The following MST1R variants were observed in gnomAD, a reference collection of about 807,000 sequenced individuals.
MST1R encodes the protein macrophage-stimulating protein receptor.
A neutral mutation model predicts 117.8 loss-of-function variants in MST1R; 99 were observed. That is an observed-to-expected ratio of 0.84 (90% CI 0.71 to 0.99). The LOEUF is 0.99. Among genes scored for constraint, MST1R ranks in the 50% least tolerant of loss-of-function variants. The pLI is 0.00. For synonymous variants in MST1R, 734 were observed against 765.3 expected (o/e 0.96, Z 0.68); for missense variants, 1,683 against 1,840.2 (o/e 0.91, Z 1.56).
In MST1R at chr3:49,902,952, G is replaced by A. The variant is rs771132053; in HGVS notation, c.658C>T (p.Arg220Cys). The change falls in exon 1 of 20, where the codon CGT becomes TGT. Residue 220 changes from arginine (R) to cysteine (C), a missense_variant. By Grantham distance (180) the Arg-to-Cys change is radical (BLOSUM62 -3). Transcript: ENST00000296474. Reference protein sequence around the residue: ...SFSPRSVSIRRLKADASGFAP... With the variant: ...SFSPRSVSIRCLKADASGFAP... ...AATCCCGAGGCGTCAGCCTTGAGAC[G>A]CCTGATAGACACTGAGCGTGGGCTG... 11 of 1,613,096 alleles carry A rather than the reference G, an allele frequency of 6.8e-6. No homozygotes were observed. The highest frequency in any genetic ancestry group is 1.7e-5 in the Admixed American group (1 of 60,002).
chr3:49,901,625 C>T (rs2082679664), intron 1 of MST1R, among the ~76,000 whole-genome samples: 1 of 152,088 alleles, frequency 6.6e-6, no homozygotes. Context: ...GCTGCCATTC[C>T]ATGAGTTCTG....
chr3:49,887,453 A>G lies in MST1R; in HGVS notation c.4057T>C (p.Tyr1353His). Reference sequence around the variant, plus strand: ...ATGTAGGTTGCTGGCAGCTGCACATAATGGTCCCCAAGCAGTGCAGACACT... The same window carrying G: ...ATGTAGGTTGCTGGCAGCTGCACATGATGGTCCCCAAGCAGTGCAGACACT... ...QIVSALLGDH[Y>H]VQLPATYMNL... The change falls in exon 20 of 20, where the codon TAT becomes CAT. Residue 1353 changes from tyrosine (Y) to histidine (H), a missense_variant. By Grantham distance (83) the Tyr-to-His change is moderately conservative. Transcript: ENST00000296474. The G allele has an allele frequency of 6.2e-7, 1 of 1,614,166 alleles. No homozygotes were observed. The highest frequency in any genetic ancestry group is 8.5e-7 in the Non-Finnish European group (1 of 1,180,002).
rs202096597 is a variant in MST1R, at chr3:49,898,968, A to G, written c.1447T>C (p.Leu483=). 1 of 1,614,188 alleles carries G rather than the reference A, an allele frequency of 6.2e-7. No homozygotes were observed. The highest frequency in any genetic ancestry group is 2.2e-5 in the East Asian group (1 of 44,886). The change falls in exon 3 of 20, where the codon TTG becomes CTG. Residue 483 remains leucine, a synonymous_variant. Transcript: ENST00000296474. ...QVELVRSLNY[L]LYVSNFSLGD... ...AGTGAGAAGTTGGACACATACAGCA[A>G]GTAGTTTAGTGACCTGACCAGCTCC...
At position 49,898,049 on chromosome 3, in the gene MST1R, A is replaced by C. The variant is rs2082541902; in HGVS notation, c.1880+2T>G. Reference sequence around the variant, plus strand: ...AAAGGGAGGGGAGGGACCAGATTGTACCTGAGTTTTGAGCTGTCCTTGGGC... The same window carrying C: ...AAAGGGAGGGGAGGGACCAGATTGTCCCTGAGTTTTGAGCTGTCCTTGGGC... On this transcript the variant is annotated splice_donor_variant, in intron 5 of 19. Transcript: ENST00000296474. LOFTEE classifies it high-confidence loss of function. The C allele has an allele frequency of 6.2e-7, 1 of 1,613,920 alleles. No homozygotes were observed. Among genetic ancestry groups the C allele is most frequent in the Non-Finnish European group, 8.5e-7 (1 of 1,180,034 alleles).
rs1449348204 is a variant in MST1R at position 49,898,074 on chromosome 3, C to T, written c.1857G>A (p.Leu619=). ...ACCTGAGTTTTGAGCTGTCCTTGGGCAGTGGCCGGCAGGGACTTTGGCCCA... is the reference window on the plus strand; with the variant it reads ...ACCTGAGTTTTGAGCTGTCCTTGGGTAGTGGCCGGCAGGGACTTTGGCCCA... The part of the protein sequence containing the change: ...VTVGQSPCRP[L]PKDSSKLRPV... Residue 619 remains leucine (L), a synonymous_variant, in exon 5 of 20, where the codon CTG becomes CTA. Coordinates refer to ENST00000296474, the MANE Select transcript of MST1R (RefSeq NM_002447.4). The T allele has an allele frequency of 6.2e-7, 1 of 1,614,004 alleles. No homozygotes were observed. The highest frequency in any genetic ancestry group is 8.5e-7 in the Non-Finnish European group (1 of 1,180,042).
chr3:49,895,855 A>T lies in MST1R; in HGVS notation c.2822T>A (p.Ile941Asn). 6.2e-7 allele frequency: 1 copy of T among 1,611,246 alleles called. No homozygotes were observed. Among genetic ancestry groups the T allele is most frequent in the Non-Finnish European group, 8.5e-7 (1 of 1,178,506 alleles). ...CCCTGGCCGCACCACTCTACCCAGG[A>T]TATGACATTCACCATCTACGCAGAC... ...LQVCVDGECH[I>N]LGRVVRPGPD... Residue 941 changes from isoleucine to asparagine, a missense_variant, in exon 12 of 20, where the codon ATC (isoleucine) becomes AAC (asparagine). Physicochemically the swap from Ile to Asn is moderately radical, Grantham distance 149 (BLOSUM62 -3). Coordinates refer to ENST00000296474, the MANE Select transcript of MST1R (RefSeq NM_002447.4).
chr3:49,893,048 G>A (rs1201626148), intron 14 of MST1R, among the ~76,000 whole-genome samples: 1 of 152,088 alleles, frequency 6.6e-6, no homozygotes, highest in Admixed American at 6.6e-5. Context: ...GGAGGCCGAG[G>A]CGGGCGGATC....
At position 49,896,055 on chromosome 3, in the gene MST1R, C is replaced by T; in HGVS notation, c.2702G>A (p.Gly901Asp). Residue 901 changes from glycine (G) to aspartate (D), a missense_variant, in exon 11 of 20, where the codon GGT becomes GAT. By Grantham distance (94) the Gly-to-Asp change is moderately conservative. Transcript: ENST00000296474. Reference protein sequence around the residue: ...ADCVGINVTVGGESCQHEFRG... With the variant: ...ADCVGINVTVDGESCQHEFRG... ...GAACTCGTGCTGGCAGCTCTCACCA[C>T]CCACGGTCACGTTGATACCCACACA... 1 of 1,610,684 alleles carries T rather than the reference C, an allele frequency of 6.2e-7. No homozygotes were observed. The highest frequency in any genetic ancestry group is 8.5e-7 in the Non-Finnish European group (1 of 1,178,198).
At position 49,899,108 on chromosome 3, in the gene MST1R, T is replaced by C. The variant is rs2108476297; in HGVS notation, c.1386A>G (p.Ala462=). 6.2e-7 allele frequency: 1 copy of C among 1,614,132 alleles called. No individual in the cohort carries two copies. Among genetic ancestry groups the C allele is most frequent in the Non-Finnish European group, 8.5e-7 (1 of 1,180,036 alleles). The change falls in exon 2 of 20, where the codon GCA becomes GCG. Residue 462 remains alanine, a synonymous_variant. Transcript: ENST00000296474. ...TACGCCCATCCATTGTGCCCATGTGTGCCACTGTGACGTTGTCAAGGCGTG... is the reference window on the plus strand; with the variant it reads ...TACGCCCATCCATTGTGCCCATGTGCGCCACTGTGACGTTGTCAAGGCGTG... ...YVTRLDNVTV[A]HMGTMDGRIL...
chr3:49,900,100 T>C (rs1365840920), intron 1 of MST1R, among the ~76,000 whole-genome samples: 3 of 152,178 alleles, frequency 2.0e-5, no homozygotes, highest in African/African-American at 4.8e-5. Flanking sequence ...CTGGAGTTAA[T>C]TGGCCAGCAC....
chr3:49,896,790 A>G lies in MST1R; in HGVS notation c.2284T>C (p.Trp762Arg), dbSNP rs1388614558. Residue 762 changes from tryptophan (W) to arginine (R), a missense_variant, in exon 8 of 20, where the codon TGG becomes CGG. Transcript: ENST00000296474. Reference protein sequence around the residue: ...QVGGAQVPGSWTFQYREDPVV... With the variant: ...QVGGAQVPGSRTFQYREDPVV... ...GGGTCTTCTCTGTACTGGAAGGTCC[A>G]GGAACCAGGTACCTGGGCACCCCCC... The G allele has an allele frequency of 1.3e-6, 2 of 1,567,102 alleles. No homozygotes were observed. Among genetic ancestry groups the G allele is most frequent in the Middle Eastern group, 1.7e-4 (1 of 6,000 alleles).
At chr3:49,892,584 G>A (rs965200069) in intron 14 of MST1R, among the ~76,000 whole-genome samples, 2 of 151,854 alleles carry the variant, frequency 1.3e-5, no homozygotes, top group African/African-American at 4.8e-5. Flanking sequence ...AGTTACTCAG[G>A]AGGCTGAGGC....
In MST1R at chr3:49,895,989, T is replaced by C. The variant is rs2082457352; in HGVS notation, c.2768A>G (p.Gln923Arg). The change falls in exon 11 of 20, where the codon CAG becomes CGG. Residue 923 changes from glutamine (Q) to arginine (R), a missense_variant. Coordinates refer to ENST00000296474, the MANE Select transcript of MST1R (RefSeq NM_002447.4). ...MVVCPLPPSL[Q>R]LGQDGAPLQV... ...CAATGGGGCACCATCCTGGCCAAGC[T>C]GCAGGGATGGGGGCAGGGGGCAGAC... 6.3e-7 allele frequency: 1 copy of C among 1,584,224 alleles called. No individual in the cohort carries two copies. The highest frequency in any genetic ancestry group is 1.3e-5 in the African/African-American group (1 of 74,430).
chr3:49,896,620 T>C lies in MST1R; in HGVS notation c.2359A>G (p.Thr787Ala), dbSNP rs771119392. The stretch of plus-strand genomic sequence containing the variant: ...GAAGTTAGATGCTGGCCACAGATGG[T>C]GATGTGGGAGTTGCTGTGGAAGAGG... ...PNCGYINSHI[T>A]ICGQHLTSAW... The change falls in exon 9 of 20, where the codon ACC becomes GCC. Residue 787 changes from threonine to alanine, a missense_variant. Transcript: ENST00000296474. 3.1e-6 allele frequency: 5 copies of C among 1,614,008 alleles called. No homozygotes were observed. The South Asian group carries it at 5.5e-5, about 18-fold the overall frequency.
Position 49,903,201 on chromosome 3 carries a change from A to T in MST1R, c.409T>A (p.Ser137Thr), listed in dbSNP as rs147611537. The T allele has an allele frequency of 1.9e-5, 30 of 1,606,158 alleles. No homozygotes were observed. The highest frequency in any genetic ancestry group is 2.5e-5 in the Non-Finnish European group (30 of 1,180,002). Residue 137 changes from serine (S) to threonine (T), a missense_variant, in exon 1 of 20, where the codon TCC becomes ACC. Physicochemically the swap from Ser to Thr is moderately conservative, Grantham distance 58 (BLOSUM62 1). Transcript: ENST00000296474. ...PALPALVSCG[S>T]SLQGRCFLHD... ...AGGAAGCAGCGGCCCTGCAGGCTGG[A>T]GCCACAACTGACCAGCGCAGGCAGC...
rs2108502001 is a variant in MST1R at position 49,902,527 on chromosome 3, G to A, written c.1083C>T (p.Gly361=). The change falls in exon 1 of 20, where the codon GGC becomes GGT. Residue 361 remains glycine (G), a synonymous_variant. Transcript: ENST00000296474. ...GGAAGGCACAGACGACAGAGTTGGG[G>A]CCCACGCCAGGACCACCATCCTTGC... is the stretch of plus-strand genomic sequence containing the variant. The part of the protein sequence containing the change: ...VTGKDGGPGV[G]PNSVVCAFPI... 1.2e-6 allele frequency: 2 copies of A among 1,614,086 alleles called. No homozygotes were observed. Among genetic ancestry groups the A allele is most frequent in the Non-Finnish European group, 1.7e-6 (2 of 1,180,048 alleles).
At position 49,903,697 on chromosome 3, in the gene MST1R, G is replaced by T; in HGVS notation, c.-88C>A. 1 of 1,485,620 alleles carries T rather than the reference G, an allele frequency of 6.7e-7. No individual in the cohort carries two copies. The highest frequency in any genetic ancestry group is 8.9e-7 in the Non-Finnish European group (1 of 1,123,248). The allele number at this position is 1,485,620 out of a possible 1,614,324, so 92.0% of individuals were successfully genotyped here. Reference sequence around the variant, plus strand: ...GGCTGGGGGCCCGACTCGAGGTCTGGACTGGGCCAAATTTAAGCAGCGGTC... The same window carrying T: ...GGCTGGGGGCCCGACTCGAGGTCTGTACTGGGCCAAATTTAAGCAGCGGTC... On this transcript the variant is annotated 5_prime_UTR_variant, in exon 1 of 20. Transcript: ENST00000296474.
At position 49,902,745 on chromosome 3, in the gene MST1R, C is replaced by G. The variant is rs1475152495; in HGVS notation, c.865G>C (p.Glu289Gln). 2.5e-6 allele frequency: 4 copies of G among 1,613,786 alleles called. No individual in the cohort carries two copies. Among genetic ancestry groups the G allele is most frequent in the Non-Finnish European group, 3.4e-6 (4 of 1,180,056 alleles). ...RLARLSATEP[E>Q]LGDYRELVLD... is the part of the protein sequence containing the mutation. ...ACCAGCTCCCGATAGTCACCCAACT[C>G]TGGCTCAGTGGCGCTAAGCCGTGCC... The change falls in exon 1 of 20, where the codon GAG becomes CAG. Residue 289 changes from glutamate to glutamine, a missense_variant. Transcript: ENST00000296474.
chr3:49,899,178 A>C lies in MST1R; in HGVS notation c.1316T>G (p.Phe439Cys). The change falls in exon 2 of 20, where the codon TTC (phenylalanine) becomes TGC (cysteine). Residue 439 changes from phenylalanine (F) to cysteine (C), a missense_variant. By Grantham distance (205) the Phe-to-Cys change is radical. Coordinates refer to ENST00000296474, the MANE Select transcript of MST1R (RefSeq NM_002447.4). ...VSSSFSRVDL[F>C]NGLLGPVQVT... The stretch of plus-strand genomic sequence containing the variant: ...CTGTACTGGTCCCAACAGCCCATTG[A>C]ATAGGTCCACACGTGAGAAGCTGCT... The C allele has an allele frequency of 6.2e-7, 1 of 1,614,158 alleles. No individual in the cohort carries two copies. Among genetic ancestry groups the C allele is most frequent in the Non-Finnish European group, 8.5e-7 (1 of 1,180,032 alleles).
Sources: gnomAD v4.1 joint callset for allele counts (sites outside exome capture counted in the v4.1 genomes callset) on GRCh38, gnomAD v4.1.1 for gene constraint, MANE v1.5 for transcripts, NCBI Gene and HGNC (gene_info 2026-07-23, HGNC 2026-07-21) for gene names.